SH3RF3: variants seen among roughly 807,000 people sequenced by gnomAD.
SH3RF3 encodes the protein SH3 domain containing ring finger 3.
In SH3RF3, 29 loss-of-function variants were observed where a neutral mutation model predicts 66.3. The ratio of observed to expected loss-of-function variants is 0.44; its 90% confidence interval spans 0.33 to 0.60. SH3RF3 has a LOEUF of 0.60. Ranked by LOEUF, SH3RF3 falls within the 20% of genes least tolerant of loss-of-function variation. The pLI is 0.04. For synonymous variants in SH3RF3, 583 were observed against 532.0 expected, an observed-to-expected ratio of 1.10 and a Z score of -1.32; for missense variants, 1,194 against 1,190.9, an observed-to-expected ratio of 1.00 and a Z score of -0.04.
rs759869200 is a variant in SH3RF3, at chr2:109,437,028, G to GCCCAT, written c.1712_1716dup (p.Thr573ProfsTer139). 1 of 1,613,840 alleles carries GCCCAT rather than the reference G, an allele frequency of 6.2e-7. No homozygotes were observed. The highest frequency in any genetic ancestry group is 8.5e-7 in the Non-Finnish European group (1 of 1,179,880). ...TGGCCACTGCCACCAGGCCCGCCCT[G>GCCCAT]CCCATCACCACTCCCCAGGCCCACG... On this transcript the variant is annotated frameshift_variant, in exon 7 of 10. Coordinates refer to ENST00000309415, the MANE Select transcript of SH3RF3 (RefSeq NM_001099289.3). LOFTEE classifies it high-confidence loss of function.
chr2:109,133,085 G>A (rs555505532), intron 1 of SH3RF3, among the ~76,000 whole-genome samples: 2 of 152,232 alleles, frequency 1.3e-5, no homozygotes, highest in African/African-American at 2.4e-5. Context: ...GGAGCTGACA[G>A]TAGAGGTAGT....
chr2:109,334,183 C>T (rs974938662), intron 1 of SH3RF3, among the ~76,000 whole-genome samples: 2 of 152,042 alleles, frequency 1.3e-5, no homozygotes, highest in African/African-American at 4.8e-5. Flanking sequence ...TGGTGAGACC[C>T]CGTCCCTACA....
rs1357612435 is a variant in SH3RF3, at chr2:109,366,366, T to G, written c.850-5220T>G. Among the ~76,000 whole-genome samples, 15 of 152,330 alleles carry G rather than the reference T, an allele frequency of 9.8e-5. No individual in the cohort carries two copies. The South Asian group carries it at 3.1e-3, about 32-fold the overall frequency. Reference sequence around the variant, plus strand: ...GTGTAGTTAGTGAGGAAGATCTATATGTACTGTCACTAAATGATCTTTAGA... The same window carrying G: ...GTGTAGTTAGTGAGGAAGATCTATAGGTACTGTCACTAAATGATCTTTAGA... On this transcript the variant is annotated intron_variant, in intron 2 of 9. Transcript: ENST00000309415.
chr2:109,253,453 G>A (rs1434380528), intron 1 of SH3RF3, among the ~76,000 whole-genome samples: 1 of 152,178 alleles, frequency 6.6e-6, no homozygotes, highest in Non-Finnish European at 1.5e-5. Context: ...CGGGTGGGCT[G>A]GTGAGGGCAT....
chr2:109,303,117 CCGT>C (rs1389657126), intron 1 of SH3RF3, among the ~76,000 whole-genome samples: 4 of 152,190 alleles, frequency 2.6e-5, no homozygotes, highest in African/African-American at 4.8e-5. Context: ...CTCAGGTGAT[CCGT>C]CCGCCTCAGC....
chr2:109,455,809 G>T (rs1427441065), intron 8 of SH3RF3, among the ~76,000 whole-genome samples: 1 of 152,216 alleles, frequency 6.6e-6, no homozygotes, highest in East Asian at 1.9e-4. Context: ...GTTTACCAGT[G>T]CCATTCACTT....
chr2:109,466,700 A>G (rs1315813036), intron 8 of SH3RF3, among the ~76,000 whole-genome samples: 1 of 152,138 alleles, frequency 6.6e-6, no homozygotes, highest in East Asian at 1.9e-4. Context: ...GGAGTTTCAT[A>G]GTTTTGCATT....
intron 1 of SH3RF3, among the ~76,000 whole-genome samples, chr2:109,282,646 G>A (rs945474191): frequency 1.3e-5 from 2 of 152,198 alleles, no homozygotes; most frequent in African/African-American, 4.8e-5. Context: ...GAGACGTCCG[G>A]GCACCCTTGT....
At chr2:109,427,264 T>C (rs4076501) in intron 5 of SH3RF3, among the ~76,000 whole-genome samples, 93,212 of 152,122 alleles carry the variant, frequency 0.61, 30,229 homozygotes, top group African/African-American at 0.83. Context: ...TCACCGTGCC[T>C]GGACAAAGAA....
At chr2:109,145,590 A>G (rs937082982) in intron 1 of SH3RF3, among the ~76,000 whole-genome samples, 13 of 152,174 alleles carry the variant, frequency 8.5e-5, no homozygotes, top group East Asian at 3.9e-4. Flanking sequence ...TGTTGCACGC[A>G]TGGTCGAGCG....
At chr2:109,476,712 T>C (rs1440535291) in intron 8 of SH3RF3, among the ~76,000 whole-genome samples, 1 of 152,114 alleles carries the variant, frequency 6.6e-6, no homozygotes, top group Non-Finnish European at 1.5e-5. Flanking sequence ...TGAAAGCAAG[T>C]TTGTTAGGAA....
intron 1 of SH3RF3, among the ~76,000 whole-genome samples, chr2:109,207,107 A>G (rs1320406782): frequency 6.6e-6 from 1 of 152,202 alleles, no homozygotes. Flanking sequence ...GAAGGCAGAT[A>G]GGGCTGTGTG....
At chr2:109,474,478 C>T (rs571487987) in intron 8 of SH3RF3, among the ~76,000 whole-genome samples, 1 of 152,304 alleles carries the variant, frequency 6.6e-6, no homozygotes, top group African/African-American at 2.4e-5. Context: ...CAGAGCAGGC[C>T]ATGATCCCTG....
intron 1 of SH3RF3, among the ~76,000 whole-genome samples, chr2:109,147,111 T>C (rs1677118732): frequency 6.6e-6 from 1 of 152,104 alleles, no homozygotes. Context: ...TTGGTGACCC[T>C]GGAGCGAGTC....
At chr2:109,275,433 C>G (rs900410450) in intron 1 of SH3RF3, among the ~76,000 whole-genome samples, 31 of 152,238 alleles carry the variant, frequency 2.0e-4, no homozygotes, top group African/African-American at 7.5e-4. Context: ...TCAGTTGGAC[C>G]GACACCGGAA....
intron 1 of SH3RF3, among the ~76,000 whole-genome samples, chr2:109,319,157 A>C (rs1429995643): frequency 6.6e-6 from 1 of 152,150 alleles, no homozygotes; most frequent in Non-Finnish European, 1.5e-5. Context: ...ATGGCTTAGT[A>C]ACTCTCCAGT....
intron 1 of SH3RF3, among the ~76,000 whole-genome samples, chr2:109,270,886 G>A (rs770986609): frequency 3.3e-5 from 5 of 152,198 alleles, no homozygotes; most frequent in Admixed American, 6.5e-5. Flanking sequence ...AGCCTGTACC[G>A]ACACTGCCTG....
At chr2:109,176,387 A>G (rs1677915197) in intron 1 of SH3RF3, among the ~76,000 whole-genome samples, 1 of 152,204 alleles carries the variant, frequency 6.6e-6, no homozygotes, top group African/African-American at 2.4e-5. Flanking sequence ...ACCATGTGCA[A>G]TGGAATGCTG....
chr2:109,287,604 G>T (rs544051297), intron 1 of SH3RF3, among the ~76,000 whole-genome samples: 2 of 152,156 alleles, frequency 1.3e-5, no homozygotes, highest in African/African-American at 2.4e-5. Flanking sequence ...ATACCCAGGC[G>T]CAGGTGGTTG....
Sources: allele counts gnomAD v4.1 joint callset (sites outside exome capture counted in the v4.1 genomes callset), GRCh38; gene constraint gnomAD v4.1.1; transcripts MANE v1.5; gene names NCBI Gene and HGNC (gene_info 2026-07-23, HGNC 2026-07-21).